Variants in PITPNC1 observed in about 807,000 individuals in gnomAD.
PITPNC1 encodes phosphatidylinositol transfer protein cytoplasmic 1, also known as cytoplasmic phosphatidylinositol transfer protein 1.
Under a neutral mutation model 44.7 loss-of-function variants are expected in PITPNC1, and 18 were observed. The ratio of observed to expected loss-of-function variants is 0.40; its 90% CI spans 0.28 to 0.60. PITPNC1 has a LOEUF of 0.60. PITPNC1 is among the 20% of genes least tolerant of loss of function. The probability of loss-of-function intolerance (pLI) is 0.39; values close to 1 mark genes in which losing one functional copy is unlikely to be tolerated. For missense variants in PITPNC1, 290 were observed against 418.4 expected (o/e 0.69, Z 2.68); for synonymous variants, 141 against 149.6 (o/e 0.94, Z 0.42).
intron 1 of PITPNC1, among the ~76,000 whole-genome samples, chr17:67,433,933 A>T (rs949117110): frequency 7.9e-5 from 12 of 151,500 alleles, no homozygotes; most frequent in Admixed American, 2.0e-4. Flanking sequence ...ATAATAATAA[A>T]GAGGAATCTG....
chr17:67,412,497 T>G (rs1320934927), intron 1 of PITPNC1, among the ~76,000 whole-genome samples: 1 of 152,208 alleles, frequency 6.6e-6, no homozygotes, highest in Non-Finnish European at 1.5e-5. Context: ...AAGCCCTGAT[T>G]TAACCTAAAA....
chr17:67,628,381 A>G (rs987918367), intron 5 of PITPNC1, among the ~76,000 whole-genome samples: 2 of 152,152 alleles, frequency 1.3e-5, no homozygotes, highest in Admixed American at 6.6e-5. Flanking sequence ...GGGCCCAATC[A>G]GGAGATAGAA....
intron 2 of PITPNC1, among the ~76,000 whole-genome samples, chr17:67,543,097 C>T (rs1450435044): frequency 1.3e-5 from 2 of 152,114 alleles, no homozygotes; most frequent in Admixed American, 1.3e-4. Flanking sequence ...GCAGAAAGGA[C>T]ATTTCATGGA....
intron 6 of PITPNC1, among the ~76,000 whole-genome samples, chr17:67,667,564 A>C (rs1027504129): frequency 1.3e-5 from 2 of 150,478 alleles, no homozygotes; most frequent in African/African-American, 4.9e-5. Flanking sequence ...GGTTTTATAT[A>C]GTTTACATGT....
chr17:67,475,916 C>A (rs988974169), intron 1 of PITPNC1, among the ~76,000 whole-genome samples: 5 of 152,254 alleles, frequency 3.3e-5, no homozygotes, highest in African/African-American at 9.6e-5. Flanking sequence ...AACAGAGCAA[C>A]AGAGCGGTCT....
At chr17:67,588,786 G>C (rs2144252525) in intron 5 of PITPNC1, among the ~76,000 whole-genome samples, 1 of 152,284 alleles carries the variant, frequency 6.6e-6, no homozygotes, top group African/African-American at 2.4e-5. Context: ...TTGTAAAGCA[G>C]GAGTGCCAGT....
At chr17:67,446,011 A>C (rs145461999) in intron 1 of PITPNC1, among the ~76,000 whole-genome samples, 3 of 151,886 alleles carry the variant, frequency 2.0e-5, no homozygotes, top group East Asian at 1.9e-4. Flanking sequence ...CAGTGGCACA[A>C]TCTCGGCTCA....
intron 6 of PITPNC1, among the ~76,000 whole-genome samples, chr17:67,647,464 G>GTTTTTTTTTTTTTTTTTTTT (rs60407940): frequency 2.8e-5 from 2 of 72,360 alleles, no homozygotes; most frequent in Admixed American, 2.2e-4. Flanking sequence ...CTAATTTTGG[G>GTTTTTTTTTTTTTTTTTTTT]TTTTTTTTTT....
intron 1 of PITPNC1, among the ~76,000 whole-genome samples, chr17:67,386,900 G>A (rs962038135): frequency 6.6e-6 from 1 of 152,128 alleles, no homozygotes; most frequent in Non-Finnish European, 1.5e-5. Context: ...ACCGGGAGAG[G>A]AAAAGGAGAA....
intron 1 of PITPNC1, among the ~76,000 whole-genome samples, chr17:67,483,750 G>T (rs991183459): frequency 3.3e-5 from 5 of 152,112 alleles, no homozygotes; most frequent in Admixed American, 1.3e-4. Flanking sequence ...GCCCTGGGGG[G>T]ACTTGGTAAT....
chr17:67,489,700 C>T (rs2039834822), intron 1 of PITPNC1, among the ~76,000 whole-genome samples: 1 of 152,182 alleles, frequency 6.6e-6, no homozygotes, highest in Admixed American at 6.5e-5. Flanking sequence ...AACCTTTTCT[C>T]AATCCCTTTC....
chr17:67,388,869 C>T (rs2038094359), intron 1 of PITPNC1, among the ~76,000 whole-genome samples: 1 of 152,232 alleles, frequency 6.6e-6, no homozygotes, highest in African/African-American at 2.4e-5. Context: ...ATCCACCCGC[C>T]TCGGCCTCCC....
chr17:67,669,781 C>T (rs944046304), intron 7 of PITPNC1, 118 bp downstream of exon 7: 2 of 740,190 alleles, frequency 2.7e-6, no homozygotes, highest in East Asian at 2.9e-5. Context: ...ATCTCAAAAA[C>T]ACTTTTTGGG....
At chr17:67,556,259 C>T (rs1175956536) in intron 4 of PITPNC1, among the ~76,000 whole-genome samples, 1 of 152,102 alleles carries the variant, frequency 6.6e-6, no homozygotes, top group Admixed American at 6.5e-5. Flanking sequence ...ATGTGGGAGA[C>T]AGGAAGAAAA....
chr17:67,499,256 C>T (rs548854163), intron 1 of PITPNC1, among the ~76,000 whole-genome samples: 17 of 152,168 alleles, frequency 1.1e-4, no homozygotes, highest in African/African-American at 3.4e-4. Context: ...GCTCTGTTGC[C>T]CATGTTGGAG....
chr17:67,456,161 T>C (rs1162849648), intron 1 of PITPNC1, among the ~76,000 whole-genome samples: 1 of 152,242 alleles, frequency 6.6e-6, no homozygotes, highest in African/African-American at 2.4e-5. Context: ...AAAGAACCAG[T>C]TGATCCTAAT....
chr17:67,544,472 G>C (rs1038212056), intron 2 of PITPNC1, among the ~76,000 whole-genome samples: 3 of 152,242 alleles, frequency 2.0e-5, no homozygotes, highest in African/African-American at 7.2e-5. Flanking sequence ...TTTCAACCAT[G>C]AAGTGTCATG....
chr17:67,615,502 T>C (rs943805464), intron 5 of PITPNC1, among the ~76,000 whole-genome samples: 1 of 152,196 alleles, frequency 6.6e-6, no homozygotes, highest in African/African-American at 2.4e-5. Context: ...GCCAGCCATC[T>C]GTCTCAGTAT....
chr17:67,688,584 G>A (rs1198989243), intron 8 of PITPNC1, among the ~76,000 whole-genome samples: 1 of 152,088 alleles, frequency 6.6e-6, no homozygotes. Context: ...TGATTTGCAG[G>A]AAACTGTTGG....
Sources: allele counts gnomAD v4.1 joint callset (sites outside exome capture counted in the v4.1 genomes callset), GRCh38; gene constraint gnomAD v4.1.1; transcripts MANE v1.5; gene names NCBI Gene and HGNC (gene_info 2026-07-23, HGNC 2026-07-21).